Variants in MARK1 observed in about 807,000 individuals in gnomAD.
The protein encoded by MARK1 is microtubule affinity regulating kinase 1.
MARK1 carries 40 observed loss-of-function variants against 96.3 expected under a neutral mutation model. The observed-to-expected ratio is 0.42, with a 90% confidence interval of 0.32 to 0.54. The LOEUF (loss-of-function observed/expected upper bound fraction) is 0.54, where lower values mean the gene tolerates loss of function less well. Among genes scored for constraint, MARK1 ranks in the 20% least tolerant of loss-of-function variants. MARK1 has a pLI of 0.16. For synonymous variants in MARK1, 317 were observed against 341.2 expected (o/e 0.93, Z 0.78); for missense variants, 719 against 984.6 (o/e 0.73, Z 3.61).
intron 5 of MARK1, among the ~76,000 whole-genome samples, chr1:220,603,193 C>T (rs1027833114): frequency 2.0e-5 from 3 of 151,744 alleles, no homozygotes; most frequent in African/African-American, 4.8e-5. Context: ...TATAAGGACA[C>T]AAAAATAAAT....
At chr1:220,653,830 A>G (rs1669026664) in intron 16 of MARK1, among the ~76,000 whole-genome samples, 1 of 151,784 alleles carries the variant, frequency 6.6e-6, no homozygotes, top group Non-Finnish European at 1.5e-5. Context: ...TCATCAAAAC[A>G]TAGTAAACAC....
At chr1:220,549,214 A>T (rs1239051995) in intron 1 of MARK1, among the ~76,000 whole-genome samples, 1 of 152,228 alleles carries the variant, frequency 6.6e-6, no homozygotes, top group African/African-American at 2.4e-5. Flanking sequence ...AGCATTTATT[A>T]GATGTGACCT....
At chr1:220,592,055 A>C (rs1665021272) in intron 3 of MARK1, among the ~76,000 whole-genome samples, 1 of 151,826 alleles carries the variant, frequency 6.6e-6, no homozygotes, top group Non-Finnish European at 1.5e-5. Flanking sequence ...TGGTTTATGT[A>C]AAATTTGTAT....
chr1:220,545,037 C>T (rs1661382233), intron 1 of MARK1, among the ~76,000 whole-genome samples: 1 of 152,106 alleles, frequency 6.6e-6, no homozygotes, highest in East Asian at 1.9e-4. Context: ...GATTAGAACA[C>T]AGAGTAAAGA....
intron 1 of MARK1, among the ~76,000 whole-genome samples, chr1:220,561,266 C>G (rs1302050397): frequency 6.6e-6 from 1 of 152,184 alleles, no homozygotes; most frequent in Non-Finnish European, 1.5e-5. Context: ...CTGTATCAAG[C>G]TTGTCCAACC....
chr1:220,537,422 A>AT (rs1239481526), intron 1 of MARK1, among the ~76,000 whole-genome samples: 2 of 151,488 alleles, frequency 1.3e-5, no homozygotes, highest in Non-Finnish European at 2.9e-5. Flanking sequence ...TGAACTCATC[A>AT]TTTTTTATGG....
intron 1 of MARK1, among the ~76,000 whole-genome samples, chr1:220,561,770 A>T (rs1012723940): frequency 1.3e-5 from 2 of 152,236 alleles, no homozygotes; most frequent in African/African-American, 4.8e-5. Flanking sequence ...TGAATAAAAG[A>T]TCAACCATTT....
In MARK1 at chr1:220,631,435, A is replaced by C. The variant is rs75384847; in HGVS notation, c.1009+301A>C. 7.4e-3 allele frequency among the ~76,000 whole-genome samples: 1,129 copies of C among 152,280 alleles called. 19 individuals carry two copies. Among genetic ancestry groups the C allele is most frequent in the African/African-American group, 0.023 (949 of 41,558 alleles). On this transcript the variant is annotated intron_variant, in intron 10 of 17. Transcript: ENST00000366917. ...AGGAATGGCTGATGTAACTATCAGC[A>C]CTGATCAGACTGATAAGCATCAGCG...
intron 1 of MARK1, among the ~76,000 whole-genome samples, chr1:220,572,355 C>T (rs1344302279): frequency 6.6e-6 from 1 of 152,178 alleles, no homozygotes; most frequent in East Asian, 1.9e-4. Flanking sequence ...AATTCTCCTG[C>T]CTTAGCCTCC....
intron 9 of MARK1, chr1:220,625,711 A>G: frequency 4.9e-6 from 2 of 410,766 alleles, no homozygotes; most frequent in Non-Finnish European, 9.8e-6. Flanking sequence ...GTTGAGACCA[A>G]CTGATGGGAG....
chr1:220,598,870 T>G (rs532882922), intron 4 of MARK1, among the ~76,000 whole-genome samples: 237 of 151,876 alleles, frequency 1.6e-3, no homozygotes, highest in African/African-American at 5.5e-3. Flanking sequence ...GCCCAGCTAC[T>G]CAGGAGGATG....
At chr1:220,634,357 C>A (rs1667831194) in intron 11 of MARK1, among the ~76,000 whole-genome samples, 1 of 152,170 alleles carries the variant, frequency 6.6e-6, no homozygotes, top group African/African-American at 2.4e-5. Flanking sequence ...AGAGCCTGAA[C>A]TTCGGAGCCA....
At chr1:220,549,441 T>G (rs1661716183) in intron 1 of MARK1, among the ~76,000 whole-genome samples, 1 of 152,260 alleles carries the variant, frequency 6.6e-6, no homozygotes, top group Admixed American at 6.5e-5. Context: ...CAGTTTTAAG[T>G]GCATCTCAGG....
intron 11 of MARK1, among the ~76,000 whole-genome samples, chr1:220,634,832 A>C (rs1336386087): frequency 6.7e-6 from 1 of 149,580 alleles, no homozygotes; most frequent in Non-Finnish European, 1.5e-5. Context: ...ACAGTAAACC[A>C]GATTTTTTTT....
intron 12 of MARK1, 65 bp from the exon 13 acceptor site, chr1:220,635,764 TTTTG>T: frequency 7.5e-7 from 1 of 1,327,398 alleles, no homozygotes; most frequent in Non-Finnish European, 1.0e-6. Flanking sequence ...AATACAGAGT[TTTTG>T]TTTGTGAGCA....
chr1:220,567,471 AT>A (rs1411833791), intron 1 of MARK1, among the ~76,000 whole-genome samples: 1 of 152,164 alleles, frequency 6.6e-6, no homozygotes, highest in African/African-American at 2.4e-5. Context: ...GCTACCAGTT[AT>A]GTGGTAAGCC....
intron 11 of MARK1, among the ~76,000 whole-genome samples, chr1:220,633,649 C>A (rs1393500078): frequency 6.6e-6 from 1 of 152,180 alleles, no homozygotes; most frequent in Non-Finnish European, 1.5e-5. Flanking sequence ...GTACCTACAA[C>A]AGGCTAAGGT....
At chr1:220,594,955 C>T (rs1343522638) in intron 3 of MARK1, among the ~76,000 whole-genome samples, 2 of 152,098 alleles carry the variant, frequency 1.3e-5, no homozygotes, top group Non-Finnish European at 2.9e-5. Flanking sequence ...CATGTCTAAA[C>T]CCATAGAATG....
At chr1:220,608,101 A>G (rs1245240342) in intron 6 of MARK1, among the ~76,000 whole-genome samples, 2 of 152,030 alleles carry the variant, frequency 1.3e-5, no homozygotes, top group African/African-American at 2.4e-5. Flanking sequence ...CTCTTTTTCT[A>G]TTGATTGGAA....
Sources: allele counts gnomAD v4.1 joint callset (sites outside exome capture counted in the v4.1 genomes callset), GRCh38; gene constraint gnomAD v4.1.1; transcripts MANE v1.5; gene names NCBI Gene and HGNC (gene_info 2026-07-23, HGNC 2026-07-21).